Variants in DENND2B observed in about 807,000 individuals in gnomAD.
The protein encoded by DENND2B is DENN domain-containing protein 2B.
In DENND2B, 32 loss-of-function variants were observed where a neutral mutation model predicts 116.0. The ratio of observed to expected loss-of-function variants is 0.28; its 90% CI spans 0.21 to 0.37. DENND2B has a LOEUF of 0.37. Ranked by LOEUF, DENND2B falls within the 10% of genes least tolerant of loss-of-function variation. The probability of loss-of-function intolerance (pLI) is 1.00; values close to 1 mark genes in which losing one functional copy is unlikely to be tolerated. For synonymous variants in DENND2B, 588 were observed against 583.9 expected (o/e 1.01, Z -0.10); for missense variants, 1,276 against 1,477.7 (o/e 0.86, Z 2.24).
chr11:8,835,202 C>T (rs2062371631), intron 4 of DENND2B, among the ~76,000 whole-genome samples: 1 of 152,160 alleles, frequency 6.6e-6, no homozygotes, highest in Non-Finnish European at 1.5e-5. Flanking sequence ...TGAGATCGCG[C>T]CACCACACTC....
intron 1 of DENND2B, among the ~76,000 whole-genome samples, chr11:8,773,809 T>G (rs2057272671): frequency 2.0e-5 from 3 of 151,966 alleles, no homozygotes; most frequent in African/African-American, 7.3e-5. Flanking sequence ...AAAAAAAAAA[T>G]TAATGGCTTG....
Position 8,712,634 on chromosome 11 carries a change from A to G in DENND2B, c.2089T>C (p.Phe697Leu). The G allele has an allele frequency of 6.3e-7, 1 of 1,577,556 alleles. No homozygotes were observed. The highest frequency in any genetic ancestry group is 8.6e-7 in the Non-Finnish European group (1 of 1,161,430). ...ELLEWQEREL[F>L]EYFVVVSLKK... ...AGGGACACCACCACAAAGTACTCAAAAAGCTCCCGCTCCTGCCACTCCAGC... is the reference window on the plus strand; with the variant it reads ...AGGGACACCACCACAAAGTACTCAAGAAGCTCCCGCTCCTGCCACTCCAGC... The change falls in exon 9 of 20, where the codon TTT becomes CTT. Residue 697 changes from phenylalanine to leucine, a missense_variant. Around this residue, in one of 2 missense-constraint regions of DENND2B, gnomAD observed 420 missense variants for 631.1 expected, o/e 0.67. Coordinates refer to ENST00000313726, the MANE Select transcript of DENND2B (RefSeq NM_213618.2). This position sits in a 1 kb window ranked among gnomAD's most constrained non-coding sequence, Gnocchi z 4.4.
In DENND2B at chr11:8,697,619, C is replaced by T. The variant is rs772448058; in HGVS notation, c.2958G>A (p.Thr986=). The T allele has an allele frequency of 2.0e-5, 33 of 1,614,026 alleles. No homozygotes were observed. Among genetic ancestry groups the T allele is most frequent in the Non-Finnish European group, 2.5e-5 (30 of 1,179,842 alleles). The change falls in exon 17 of 20, where the codon ACG becomes ACA. Residue 986 remains threonine, a synonymous_variant. Transcript: ENST00000313726. ...RFIRQMDDED[T]LLPRKLQAAL... ...CTGCCTGTAACTTCCTAGGTAACAA[C>T]GTGTCTTCGTCGTCCATCTGCAGGA...
At chr11:8,739,372 T>G (rs1178353667) in intron 2 of DENND2B, among the ~76,000 whole-genome samples, 1 of 152,358 alleles carries the variant, frequency 6.6e-6, no homozygotes, top group East Asian at 1.9e-4. Context: ...CTCTAAGTTC[T>G]CTGTGCCTCA....
At chr11:8,883,597 A>T (rs1286961439) in intron 1 of DENND2B, among the ~76,000 whole-genome samples, 1 of 152,236 alleles carries the variant, frequency 6.6e-6, no homozygotes, top group Non-Finnish European at 1.5e-5. Flanking sequence ...CAATTGTTTG[A>T]GAAGGCATAC....
chr11:8,873,306 A>T (rs1240283134), upstream of DENND2B, among the ~76,000 whole-genome samples: 1 of 152,246 alleles, frequency 6.6e-6, no homozygotes, highest in Non-Finnish European at 1.5e-5. Context: ...TATGTGCTGA[A>T]GCAATGTAAG....
chr11:8,738,297 G>A (rs1448002276), intron 2 of DENND2B, among the ~76,000 whole-genome samples: 3 of 152,136 alleles, frequency 2.0e-5, no homozygotes, highest in Non-Finnish European at 4.4e-5. Context: ...GAGCGTCTCA[G>A]GACATCACTC....
At chr11:8,848,591 T>G (rs1201336744) in intron 3 of DENND2B, among the ~76,000 whole-genome samples, 1 of 152,168 alleles carries the variant, frequency 6.6e-6, no homozygotes, top group Non-Finnish European at 1.5e-5. Context: ...ATTTTTAAAG[T>G]TCTTATCAAA....
chr11:8,748,764 A>C (rs1214395980), intron 2 of DENND2B, among the ~76,000 whole-genome samples: 2 of 151,936 alleles, frequency 1.3e-5, no homozygotes, highest in South Asian at 2.1e-4. Flanking sequence ...GATGGCAAGC[A>C]TGCTGAGAAG....
At chr11:8,862,077 C>T (rs1363632000) in intron 2 of DENND2B, among the ~76,000 whole-genome samples, 2 of 151,914 alleles carry the variant, frequency 1.3e-5, no homozygotes, top group African/African-American at 2.4e-5. Flanking sequence ...ACAAAGACTA[C>T]ATATTGGGTA....
intron 3 of DENND2B, among the ~76,000 whole-genome samples, chr11:8,849,640 T>C (rs1260278574): frequency 4.0e-5 from 6 of 149,918 alleles, no homozygotes; most frequent in South Asian, 4.2e-4. Context: ...TCTGGCCACA[T>C]GGTGAAACTC....
At chr11:8,862,773 A>G (rs2063440868) in intron 2 of DENND2B, among the ~76,000 whole-genome samples, 1 of 152,148 alleles carries the variant, frequency 6.6e-6, no homozygotes, top group Non-Finnish European at 1.5e-5. Context: ...CCAGGACCAC[A>G]GCTCTTGATG....
At chr11:8,718,820 T>C in intron 4 of DENND2B, 1 of 999,810 alleles carries the variant, frequency 1.0e-6, no homozygotes. Context: ...GTGGCACTCC[T>C]TTCCACAAGC....
chr11:8,727,561 A>G (rs2047289161), intron 3 of DENND2B, among the ~76,000 whole-genome samples: 2 of 152,078 alleles, frequency 1.3e-5, no homozygotes, highest in Admixed American at 1.3e-4. Flanking sequence ...CTCACTCTGC[A>G]CTTTCTAGGG....
intron 2 of DENND2B, among the ~76,000 whole-genome samples, chr11:8,869,896 A>C (rs1353264599): frequency 2.0e-5 from 3 of 151,602 alleles, no homozygotes; most frequent in Non-Finnish European, 2.9e-5. Context: ...TCTGGACCCC[A>C]GATTACGTCT....
At chr11:8,701,201 A>G (rs934627141) in intron 14 of DENND2B, among the ~76,000 whole-genome samples, 1 of 152,174 alleles carries the variant, frequency 6.6e-6, no homozygotes, top group African/African-American at 2.4e-5. Flanking sequence ...GGTCCACCCA[A>G]CATGGCAATT....
intron 3 of DENND2B, among the ~76,000 whole-genome samples, chr11:8,856,836 C>A (rs1236697612): frequency 6.6e-6 from 1 of 151,918 alleles, no homozygotes; most frequent in Non-Finnish European, 1.5e-5. Context: ...TCCCTGCAGC[C>A]TTGAACTCCT....
At chr11:8,882,849 A>G (rs1222869016) in intron 1 of DENND2B, among the ~76,000 whole-genome samples, 1 of 152,068 alleles carries the variant, frequency 6.6e-6, no homozygotes, top group African/African-American at 2.4e-5. Context: ...TTAGCCAGGA[A>G]TAGTGGTGCA....
chr11:8,889,332 G>A (rs1439329546), intron 1 of DENND2B, among the ~76,000 whole-genome samples: 1 of 152,222 alleles, frequency 6.6e-6, no homozygotes, highest in Non-Finnish European at 1.5e-5. Flanking sequence ...CAGAAGACGG[G>A]TGATTTCTGC....
Sources: gnomAD v4.1 joint callset for allele counts (sites outside exome capture counted in the v4.1 genomes callset) on GRCh38, gnomAD v4.1.1 for gene constraint, gnomAD v4.1.1 regional missense constraint, Gnocchi (gnomAD v3.1) non-coding constraint, MANE v1.5 for transcripts, NCBI Gene and HGNC (gene_info 2026-07-23, HGNC 2026-07-21) for gene names.